CATSPERE: variants seen among roughly 807,000 people sequenced by gnomAD.
CATSPERE encodes cation channel sperm-associated auxiliary subunit epsilon.
Under a neutral mutation model 114.1 loss-of-function variants are expected in CATSPERE, and 93 were observed. That is an observed-to-expected ratio of 0.81 (90% CI 0.69 to 0.97). The LOEUF is 0.97. Ranked by LOEUF, CATSPERE falls within the 50% of genes least tolerant of loss-of-function variation. The probability of loss-of-function intolerance (pLI) is 0.00; values close to 1 mark genes in which losing one functional copy is unlikely to be tolerated. For missense variants in CATSPERE, 1,058 were observed against 1,131.6 expected (o/e 0.93, Z 0.93); for synonymous variants, 341 against 384.1 (o/e 0.89, Z 1.31).
intron 12 of CATSPERE, among the ~76,000 whole-genome samples, chr1:244,583,487 G>A (rs1485987459): frequency 6.6e-6 from 1 of 152,104 alleles, no homozygotes; most frequent in African/African-American, 2.4e-5. Context: ...GCCAGAGGAG[G>A]AACCCACACA....
intron 6 of CATSPERE, among the ~76,000 whole-genome samples, chr1:244,497,927 A>C (rs1354333765): frequency 6.6e-6 from 1 of 152,222 alleles, no homozygotes; most frequent in African/African-American, 2.4e-5. Flanking sequence ...ACTCTCATAC[A>C]TCACCACTGA....
intron 8 of CATSPERE, among the ~76,000 whole-genome samples, chr1:244,527,031 AGAGT>A (rs1416001837): frequency 2.6e-5 from 4 of 152,182 alleles, no homozygotes; most frequent in African/African-American, 9.7e-5. Context: ...AAATGGAGGC[AGAGT>A]GAGATCACAG....
At chr1:244,553,602 T>TACACACACACACACACACAC (rs67626437) in intron 9 of CATSPERE, among the ~76,000 whole-genome samples, 4 of 91,942 alleles carry the variant, frequency 4.4e-5, no homozygotes, top group East Asian at 3.1e-4. Context: ...AAAAAAAAAA[T>TACACACACACACACACACAC]ACACACACAC....
chr1:244,477,465 T>C (rs1669553237), intron 2 of CATSPERE, 76 bp from the exon 3 acceptor site: 9 of 775,284 alleles, frequency 1.2e-5, no homozygotes, highest in Non-Finnish European at 2.2e-6. Flanking sequence ...ACCCAGAAAA[T>C]TGAATCCTAC....
intron 20 of CATSPERE, among the ~76,000 whole-genome samples, chr1:244,621,768 C>G (rs1039144666): frequency 6.6e-6 from 1 of 152,044 alleles, no homozygotes; most frequent in African/African-American, 2.4e-5. Flanking sequence ...ACCAGAAGAC[C>G]TGGAAAGAAA....
chr1:244,460,432 G>C (rs558204537), upstream of CATSPERE, among the ~76,000 whole-genome samples: 1 of 152,202 alleles, frequency 6.6e-6, no homozygotes, highest in African/African-American at 2.4e-5. Context: ...CTCAGCACAG[G>C]AAGACAGCTT....
intron 7 of CATSPERE, among the ~76,000 whole-genome samples, chr1:244,513,159 G>A (rs111504568): frequency 1.1e-4 from 16 of 151,942 alleles, no homozygotes; most frequent in Admixed American, 3.9e-4. Flanking sequence ...AGCAGTGGCA[G>A]TAGCAGCAGG....
In CATSPERE at chr1:244,509,265, G is replaced by A. The variant is rs540899307; in HGVS notation, c.430-9327G>A. Among the ~76,000 whole-genome samples the A allele has an allele frequency of 4.0e-5, 6 of 149,344 alleles. No individual in the cohort carries two copies. In the South Asian group the frequency reaches 6.3e-4, roughly 16 times the overall value. On this transcript the variant is annotated intron_variant, in intron 7 of 21. Transcript: ENST00000366534. ...ATGTTCCTTCTATGCCTAATTTGTC[G>A]AGTTTTTTTTTTTATCATGAAGAGA...
At chr1:244,462,234 A>T (rs562115451) in intron 1 of CATSPERE, among the ~76,000 whole-genome samples, 27 of 152,310 alleles carry the variant, frequency 1.8e-4, no homozygotes, top group African/African-American at 6.3e-4. Flanking sequence ...CCTTTTCATT[A>T]AAAAATAGCA....
At chr1:244,473,087 T>C (rs1235675030) in intron 2 of CATSPERE, among the ~76,000 whole-genome samples, 4 of 152,250 alleles carry the variant, frequency 2.6e-5, no homozygotes, top group Non-Finnish European at 5.9e-5. Flanking sequence ...CAAACATTCA[T>C]GGACAGGTTT....
chr1:244,583,994 T>A, intron 13 of CATSPERE, 55 bp downstream of exon 13: 2 of 1,451,806 alleles, frequency 1.4e-6, no homozygotes, highest in South Asian at 2.3e-5. Flanking sequence ...GTATAGGCGG[T>A]CAACCAAATA....
chr1:244,637,306 G>A (rs181042518), intron 21 of CATSPERE, among the ~76,000 whole-genome samples: 6 of 151,942 alleles, frequency 3.9e-5, no homozygotes, highest in African/African-American at 7.3e-5. Flanking sequence ...CTTTGGCCCC[G>A]TCACACTCAC....
chr1:244,639,789 G>A, intron 21 of CATSPERE, 139 bp from the exon 22 acceptor site: 1 of 728,690 alleles, frequency 1.4e-6, no homozygotes, highest in Non-Finnish European at 2.2e-6. Context: ...AACACTGTGA[G>A]GGTGGACAGT....
At chr1:244,578,945 C>A (rs1665755157) in intron 11 of CATSPERE, among the ~76,000 whole-genome samples, 1 of 146,036 alleles carries the variant, frequency 6.8e-6, no homozygotes, top group South Asian at 2.2e-4. Flanking sequence ...TCAACATTTT[C>A]TTGTGATGTC....
chr1:244,569,971 A>C (rs927592407), intron 10 of CATSPERE, among the ~76,000 whole-genome samples: 1 of 152,144 alleles, frequency 6.6e-6, no homozygotes, highest in Non-Finnish European at 1.5e-5. Flanking sequence ...TACACAAGAG[A>C]AGGACTTTTC....
At chr1:244,539,947 T>TG (rs1553348752) in intron 8 of CATSPERE, among the ~76,000 whole-genome samples, 2 of 151,418 alleles carry the variant, frequency 1.3e-5, no homozygotes, top group Non-Finnish European at 2.9e-5. Flanking sequence ...TTAATTTTTT[T>TG]GAATGGTTTT....
At chr1:244,472,279 T>G (rs34726765) in intron 2 of CATSPERE, among the ~76,000 whole-genome samples, 21,336 of 152,236 alleles carry the variant, frequency 0.14, 1,691 homozygotes, top group Middle Eastern at 0.19. Flanking sequence ...TTGTTTGAAG[T>G]AGGTGTACCA....
chr1:244,632,845 A>T (rs184998808), intron 20 of CATSPERE, among the ~76,000 whole-genome samples: 56 of 152,322 alleles, frequency 3.7e-4, no homozygotes, highest in Non-Finnish European at 4.4e-5. Flanking sequence ...AAGAACGGAG[A>T]TTGTCACATT....
intron 12 of CATSPERE, among the ~76,000 whole-genome samples, chr1:244,582,909 T>TTATA: frequency 3.7e-5 from 1 of 27,094 alleles, no homozygotes; most frequent in African/African-American, 1.0e-4. Context: ...AAACAGAATT[T>TTATA]GATATATATA....
Sources: gnomAD v4.1 joint callset for allele counts (sites outside exome capture counted in the v4.1 genomes callset) on GRCh38, gnomAD v4.1.1 for gene constraint, MANE v1.5 for transcripts, NCBI Gene and HGNC (gene_info 2026-07-23, HGNC 2026-07-21) for gene names.